RBFOX1: variants seen among roughly 807,000 people sequenced by gnomAD.
RBFOX1 encodes RNA binding protein fox-1 homolog 1.
A neutral mutation model predicts 57.7 loss-of-function variants in RBFOX1; 8 were observed. The ratio of observed to expected loss-of-function variants is 0.14; its 90% confidence interval spans 0.08 to 0.25. RBFOX1 has a LOEUF of 0.25. RBFOX1 is among the 10% of genes least tolerant of loss of function. RBFOX1 has a pLI of 1.00. For synonymous variants in RBFOX1, 326 were observed against 222.4 expected (o/e 1.47, Z -4.15); for missense variants, 611 against 548.5 (o/e 1.11, Z -1.14).
intron 4 of RBFOX1, among the ~76,000 whole-genome samples, chr16:7,511,525 A>C (rs2075083058): frequency 6.6e-6 from 1 of 152,190 alleles, no homozygotes; most frequent in Admixed American, 6.5e-5. Context: ...AAGAGTCAAC[A>C]CACTATGCTA....
At chr16:7,227,352 C>T (rs1021824425) in intron 4 of RBFOX1, among the ~76,000 whole-genome samples, 1 of 144,542 alleles carries the variant, frequency 6.9e-6, no homozygotes, top group African/African-American at 2.5e-5. Context: ...TCTTTCCCTG[C>T]CCCCTCTCAC....
intron 1 of RBFOX1, among the ~76,000 whole-genome samples, chr16:6,141,583 TC>T (rs2096716305): frequency 6.6e-6 from 1 of 152,200 alleles, no homozygotes; most frequent in Admixed American, 6.5e-5. Context: ...TCCCTGCTTG[TC>T]CAATCCACCA....
chr16:7,322,333 C>T (rs75315864), intron 4 of RBFOX1, among the ~76,000 whole-genome samples: 6 of 152,244 alleles, frequency 3.9e-5, no homozygotes, highest in South Asian at 2.1e-4. Context: ...CTGCCCCCTG[C>T]CAAGCTGTGG....
intron 4 of RBFOX1, among the ~76,000 whole-genome samples, chr16:7,059,804 G>T (rs570657665): frequency 6.6e-5 from 10 of 151,998 alleles, no homozygotes; most frequent in African/African-American, 2.2e-4. Context: ...TGTTCCCAGG[G>T]CTGCTTCTGC....
chr16:5,779,666 C>T (rs1381571314), intron 3 of RBFOX1, among the ~76,000 whole-genome samples: 1 of 152,168 alleles, frequency 6.6e-6, no homozygotes, highest in African/African-American at 2.4e-5. Context: ...ACTGGAAATT[C>T]TTCCAAAGGA....
At chr16:6,819,678 C>T in intron 3 of RBFOX1, among the ~76,000 whole-genome samples, 1 of 115,702 alleles carries the variant, frequency 8.6e-6, no homozygotes, top group Non-Finnish European at 1.6e-5. Flanking sequence ...GCATTCCAGC[C>T]TGGGCAACAA....
intron 4 of RBFOX1, among the ~76,000 whole-genome samples, chr16:7,144,960 C>T (rs549289163): frequency 6.6e-6 from 1 of 152,086 alleles, no homozygotes; most frequent in Non-Finnish European, 1.5e-5. Context: ...CCCCCTCCCC[C>T]AGTGGAGTGC....
chr16:7,541,404 C>T (rs148248261), intron 5 of RBFOX1, among the ~76,000 whole-genome samples: 1 of 152,068 alleles, frequency 6.6e-6, no homozygotes, highest in African/African-American at 2.4e-5. Flanking sequence ...GGAGATTGCT[C>T]CTTTCTGCTA....
chr16:7,471,693 A>G (rs1368672677), intron 4 of RBFOX1, among the ~76,000 whole-genome samples: 5 of 152,212 alleles, frequency 3.3e-5, no homozygotes, highest in African/African-American at 9.7e-5. Flanking sequence ...CTCAAGCGTG[A>G]TTTGAAATTC....
At position 7,712,313 on chromosome 16, in the gene RBFOX1, A is replaced by C. The variant is rs2084118867; in HGVS notation, c.*1568A>C. 1 of 152,558 alleles carries C rather than the reference A, an allele frequency of 6.6e-6. No homozygotes were observed. Among genetic ancestry groups the C allele is most frequent in the East Asian group, 1.9e-4 (1 of 5,180 alleles). 9.5% of individuals were successfully genotyped at this position (152,558 alleles called of 1,614,324 possible). ...GTACAGTGCAGGCCCTGTGGCCCGCACTTCAGTAAGTTATCAACTCTCACC... is the reference window on the plus strand; with the variant it reads ...GTACAGTGCAGGCCCTGTGGCCCGCCCTTCAGTAAGTTATCAACTCTCACC... On this transcript the variant is annotated 3_prime_UTR_variant, in exon 16 of 16. Transcript: ENST00000550418.
intron 3 of RBFOX1, among the ~76,000 whole-genome samples, chr16:5,793,275 G>A (rs1428506901): frequency 6.6e-6 from 1 of 152,234 alleles, no homozygotes; most frequent in Non-Finnish European, 1.5e-5. Flanking sequence ...GGCTGCCTCT[G>A]CTTCTCCCCT....
chr16:6,824,813 CAT>C (rs1156297369), intron 3 of RBFOX1, among the ~76,000 whole-genome samples: 1 of 151,704 alleles, frequency 6.6e-6, no homozygotes, highest in Non-Finnish European at 1.5e-5. Flanking sequence ...TTTGTAATAA[CAT>C]GTCAAAGATA....
intron 4 of RBFOX1, among the ~76,000 whole-genome samples, chr16:7,152,157 C>T (rs6500920): frequency 0.39 from 59,396 of 152,024 alleles, 12,851 homozygotes; most frequent in African/African-American, 0.59. Flanking sequence ...GGATCACATC[C>T]TCACCCCTGA....
At chr16:7,176,786 G>C (rs1300859576) in intron 4 of RBFOX1, among the ~76,000 whole-genome samples, 1 of 152,030 alleles carries the variant, frequency 6.6e-6, no homozygotes, top group Non-Finnish European at 1.5e-5. Flanking sequence ...AAATAAATAT[G>C]TACTTACCTA....
chr16:7,690,277 C>T (rs1321795640), intron 14 of RBFOX1, among the ~76,000 whole-genome samples: 1 of 152,102 alleles, frequency 6.6e-6, no homozygotes, highest in African/African-American at 2.4e-5. Context: ...GGACCATTCA[C>T]CTCAACAAGT....
intron 3 of RBFOX1, among the ~76,000 whole-genome samples, chr16:7,038,761 G>T (rs2045279786): frequency 6.6e-6 from 1 of 152,166 alleles, no homozygotes; most frequent in African/African-American, 2.4e-5. Context: ...CTCAATGTTT[G>T]TCTGTCTGAT....
intron 1 of RBFOX1, among the ~76,000 whole-genome samples, chr16:6,225,043 A>T (rs998234793): frequency 9.8e-6 from 1 of 102,302 alleles, no homozygotes; most frequent in African/African-American, 3.2e-5. Context: ...AAAAAAAAAA[A>T]AATCACTCAC....
intron 4 of RBFOX1, chr16:7,126,483 A>G (rs1298852435): frequency 4.3e-6 from 1 of 230,232 alleles, no homozygotes; most frequent in Non-Finnish European, 9.0e-6. Flanking sequence ...TGCTTCAGAA[A>G]CATCCCTGAC....
At chr16:5,288,585 C>G (rs1225722445) in intron 1 of RBFOX1, among the ~76,000 whole-genome samples, 1 of 151,574 alleles carries the variant, frequency 6.6e-6, no homozygotes, top group Non-Finnish European at 1.5e-5. Context: ...TCCTTGTAAT[C>G]CCTGGTATTG....
Sources: allele counts gnomAD v4.1 joint callset (sites outside exome capture counted in the v4.1 genomes callset), GRCh38; gene constraint gnomAD v4.1.1; transcripts MANE v1.5; gene names NCBI Gene and HGNC (gene_info 2026-07-23, HGNC 2026-07-21).